DNAH3: variants seen among roughly 807,000 people sequenced by gnomAD.
DNAH3 encodes axonemal beta dynein heavy chain 3.
A neutral mutation model predicts 432.5 loss-of-function variants in DNAH3; 332 were observed. The observed-to-expected ratio is 0.77, with a 90% confidence interval of 0.70 to 0.84. DNAH3 has a LOEUF of 0.84. Among genes scored for constraint, DNAH3 ranks in the 40% least tolerant of loss-of-function variants. DNAH3 has a pLI of 0.00. For synonymous variants in DNAH3, 1,956 were observed against 1,900.2 expected, an observed-to-expected ratio of 1.03 and a Z score of -0.76; for missense variants, 4,861 against 5,114.0, an observed-to-expected ratio of 0.95 and a Z score of 1.51.
intron 41 of DNAH3, among the ~76,000 whole-genome samples, chr16:21,016,874 C>T (rs1263952934): frequency 6.6e-6 from 1 of 152,142 alleles, no homozygotes; most frequent in Non-Finnish European, 1.5e-5. Context: ...ACGCCGAAGA[C>T]ATTATGCTAA....
At chr16:20,949,891 G>A (rs1203224342) in intron 56 of DNAH3, among the ~76,000 whole-genome samples, 1 of 152,172 alleles carries the variant, frequency 6.6e-6, no homozygotes, top group Admixed American at 6.5e-5. Flanking sequence ...ATGGCTTGCA[G>A]GCAGTTCTCT....
At chr16:20,978,072 C>T (rs2085676971) in intron 50 of DNAH3, among the ~76,000 whole-genome samples, 1 of 152,188 alleles carries the variant, frequency 6.6e-6, no homozygotes, top group South Asian at 2.1e-4. Context: ...TCTCCTAGTA[C>T]AGCTTTCATT....
chr16:20,997,679 C>G (rs1240126219), intron 43 of DNAH3, among the ~76,000 whole-genome samples: 4 of 151,922 alleles, frequency 2.6e-5, no homozygotes, highest in Non-Finnish European at 5.9e-5. Flanking sequence ...GTCCACGTGA[C>G]TATAAGGATG....
chr16:20,949,454 C>A (rs965880315), intron 56 of DNAH3, among the ~76,000 whole-genome samples: 2 of 151,900 alleles, frequency 1.3e-5, no homozygotes, highest in African/African-American at 4.8e-5. Context: ...TATTTTATTA[C>A]TGTTGTTGTT....
Position 21,127,907 on chromosome 16 carries a change from A to G in DNAH3, c.1083-95T>C, listed in dbSNP as rs13337296. On this transcript the variant is annotated intron_variant, in intron 7 of 61. Transcript: ENST00000261383. Reference sequence around the variant, plus strand: ...CAAGGGTGTGTGTTCACGTTTCTCAATGAAAGTTAAGCAGAATCAAATGAA... The same window carrying G: ...CAAGGGTGTGTGTTCACGTTTCTCAGTGAAAGTTAAGCAGAATCAAATGAA... The G allele has an allele frequency of 1.1e-3, 1,642 of 1,438,254 alleles. 24 individuals carry two copies. In the African/African-American group the frequency reaches 0.021, roughly 18 times the overall value. The allele number at this position is 1,438,254 out of a possible 1,614,324, so 89.1% of individuals were successfully genotyped here.
At chr16:21,019,829 A>G (rs1567646463) in exon 41 of DNAH3, 1 of 1,614,112 alleles carries the variant, frequency 6.2e-7, no homozygotes, top group Non-Finnish European at 8.5e-7. Flanking sequence ...ACAGGCCTTC[A>G]CCTAATTCCA....
In DNAH3 at chr16:21,036,708, A is replaced by G. The variant is rs369734844; in HGVS notation, c.5085+6T>C. The G allele has an allele frequency of 6.2e-7, 1 of 1,613,822 alleles. No individual in the cohort carries two copies. The highest frequency in any genetic ancestry group is 1.3e-5 in the African/African-American group (1 of 75,038). Reference sequence around the variant, plus strand: ...CAGGCACATTTATATGGGCTAAGGAACCAACCTGGATAATTTTCCCTATAA... The same window carrying G: ...CAGGCACATTTATATGGGCTAAGGAGCCAACCTGGATAATTTTCCCTATAA... On this transcript the variant is annotated splice_donor_region_variant and intron_variant, in intron 35 of 61. Coordinates refer to ENST00000261383, the Ensembl canonical transcript of DNAH3.
intron 1 of DNAH3, among the ~76,000 whole-genome samples, chr16:21,147,273 G>A (rs1037277862): frequency 5.3e-5 from 8 of 151,440 alleles, no homozygotes; most frequent in Non-Finnish European, 7.4e-5. Flanking sequence ...AGGCTAGAGT[G>A]CAATGGTACG....
At chr16:20,967,415 T>TAA (rs35649183) in intron 52 of DNAH3, among the ~76,000 whole-genome samples, 21 of 148,376 alleles carry the variant, frequency 1.4e-4, no homozygotes, top group Non-Finnish European at 2.2e-4. Flanking sequence ...CAGGGGAGCT[T>TAA]AAAAAAAATC....
At chr16:20,937,529 C>CTTTTTTTT (rs71377696) in intron 59 of DNAH3, among the ~76,000 whole-genome samples, 1 of 121,342 alleles carries the variant, frequency 8.2e-6, no homozygotes, top group Non-Finnish European at 1.7e-5. Flanking sequence ...CAAAGTTGTT[C>CTTTTTTTT]TTTTTTTTTT....
intron 16 of DNAH3, among the ~76,000 whole-genome samples, chr16:21,099,956 T>C (rs1408568050): frequency 1.3e-5 from 2 of 152,228 alleles, no homozygotes; most frequent in African/African-American, 4.8e-5. Flanking sequence ...ATAAGGGAAC[T>C]TGTCATTGAG....
intron 28 of DNAH3, among the ~76,000 whole-genome samples, chr16:21,054,121 A>T (rs968690496): frequency 6.6e-5 from 10 of 152,176 alleles, no homozygotes; most frequent in Admixed American, 5.9e-4. Context: ...CAAAAATATT[A>T]TCTACGGCTA....
intron 54 of DNAH3, among the ~76,000 whole-genome samples, chr16:20,956,713 GTTGT>G (rs948123687): frequency 6.6e-6 from 1 of 151,754 alleles, no homozygotes; most frequent in African/African-American, 2.4e-5. Context: ...AGGTTTTTTT[GTTGT>G]TTGTTTTTTA....
exon 14 of DNAH3, chr16:21,111,692 C>T (rs770778993): frequency 1.2e-5 from 20 of 1,613,834 alleles, no homozygotes; most frequent in Middle Eastern, 1.6e-4. Context: ...ATTTTGAGCT[C>T]GCTCACAGAG....
intron 7 of DNAH3, among the ~76,000 whole-genome samples, chr16:21,130,332 G>A (rs1189574605): frequency 6.7e-6 from 1 of 149,350 alleles, no homozygotes; most frequent in African/African-American, 2.5e-5. Flanking sequence ...CTTGAGACAG[G>A]GTCTCACTCT....
In DNAH3 at chr16:21,039,902, G is replaced by T. The variant is rs9936596; in HGVS notation, c.4680C>A (p.Ala1560=). ...AGTAGAGGGAGATTTCTCCAATGAG[G>T]GCGTAATCTGGGACCATCATGGCCA... is the stretch of plus-strand genomic sequence containing the variant. Residue 1560 remains alanine (A), a synonymous_variant, in exon 33 of 62, where the codon GCC becomes GCA. Coordinates refer to ENST00000261383, the Ensembl canonical transcript of DNAH3. 2,536 of 1,613,682 alleles carry T rather than the reference G, an allele frequency of 1.6e-3. 53 individuals are homozygous for T. The African/African-American group carries it at 0.031, about 20-fold the overall frequency.
chr16:20,946,819 CTTTTTTTTTTTTT>C (rs71149199), intron 57 of DNAH3, among the ~76,000 whole-genome samples: 1 of 70,864 alleles, frequency 1.4e-5, no homozygotes, highest in African/African-American at 5.8e-5. Flanking sequence ...ATTGTGAGTC[CTTTTTTTTTTTTT>C]TTTTTTTTTT....
rs1171875174 is a variant in DNAH3 at position 20,959,467 on chromosome 16, C to T, written c.10601-63G>A. On this transcript the variant is annotated intron_variant, in intron 53 of 61. Coordinates refer to ENST00000261383, the Ensembl canonical transcript of DNAH3. ...AGGCCAGCTAACAGTAACAGAACAG[C>T]TATATCAACAATAACAACATGGCTG... 9 of 1,507,078 alleles carry T rather than the reference C, an allele frequency of 6.0e-6. No homozygotes were observed. The African/African-American group carries it at 1.2e-4, about 21-fold the overall frequency. 93.4% of individuals were successfully genotyped at this position (1,507,078 alleles called of 1,614,324 possible). A position where few individuals can be genotyped will look rare whatever the true frequency, so the allele number is the denominator to read the frequency against.
intron 12 of DNAH3, among the ~76,000 whole-genome samples, chr16:21,113,606 G>C (rs1368791053): frequency 6.6e-6 from 1 of 152,106 alleles, no homozygotes; most frequent in Non-Finnish European, 1.5e-5. Flanking sequence ...TTAGAGGCAT[G>C]TGCCACCACA....
Sources: gnomAD v4.1 joint callset for allele counts (sites outside exome capture counted in the v4.1 genomes callset) on GRCh38, gnomAD v4.1.1 for gene constraint, MANE v1.5 for transcripts, NCBI Gene and HGNC (gene_info 2026-07-23, HGNC 2026-07-21) for gene names.